The following FAM24B variants were observed in gnomAD, a reference collection of about 807,000 sequenced individuals.
FAM24B encodes the protein family with sequence similarity 24 member B.
Under a neutral mutation model 2.3 loss-of-function variants are expected in FAM24B, and 3 were observed. That is an observed-to-expected ratio of 1.29 (90% CI 0.59 to 3.32). The LOEUF (loss-of-function observed/expected upper bound fraction) is 3.32, where lower values mean the gene tolerates loss of function less well. Ranked by LOEUF, FAM24B falls within the 30% of genes most tolerant of loss-of-function variation. The probability of loss-of-function intolerance (pLI) is 0.03; values close to 1 mark genes in which losing one functional copy is unlikely to be tolerated. For missense variants in FAM24B, 98 were observed against 117.2 expected (o/e 0.84, Z 0.76); for synonymous variants, 36 against 46.3 (o/e 0.78, Z 0.90).
intron 1 of FAM24B, among the ~76,000 whole-genome samples, chr10:122,868,478 T>C (rs964543652): frequency 2.0e-5 from 3 of 152,048 alleles, no homozygotes; most frequent in African/African-American, 7.2e-5. Flanking sequence ...AGACACATAA[T>C]TGTCAGATTC....
intron 1 of FAM24B, among the ~76,000 whole-genome samples, chr10:122,860,503 G>T (rs1305408210): frequency 1.3e-5 from 2 of 152,212 alleles, no homozygotes; most frequent in Non-Finnish European, 1.5e-5. Context: ...TTGTGTGAAT[G>T]TAAGTTTTCA....
chr10:122,857,650 C>G (rs140891969), intron 1 of FAM24B, among the ~76,000 whole-genome samples: 1 of 152,152 alleles, frequency 6.6e-6, no homozygotes, highest in Non-Finnish European at 1.5e-5. Context: ...ATTTATGGTA[C>G]TTATGTATCT....
intron 1 of FAM24B, among the ~76,000 whole-genome samples, chr10:122,871,775 C>T (rs936854351): frequency 4.6e-5 from 7 of 151,970 alleles, no homozygotes; most frequent in Non-Finnish European, 8.8e-5. Flanking sequence ...ACACCTTATA[C>T]AAAAATTAAT....
chr10:122,867,498 G>A (rs1294357153), intron 1 of FAM24B, among the ~76,000 whole-genome samples: 1 of 152,232 alleles, frequency 6.6e-6, no homozygotes, highest in Non-Finnish European at 1.5e-5. Context: ...GCCTCCTCAA[G>A]TGGGTCCCTG....
intron 1 of FAM24B, among the ~76,000 whole-genome samples, chr10:122,863,393 A>G (rs549480860): frequency 3.5e-4 from 54 of 152,328 alleles, no homozygotes; most frequent in African/African-American, 1.3e-3. Context: ...CCAAGGCCAT[A>G]CAGCTAGCAG....
chr10:122,850,356 G>A, intron 3 of FAM24B, 68 bp downstream of exon 3: 1 of 1,276,106 alleles, frequency 7.8e-7, no homozygotes, highest in East Asian at 2.3e-5. Context: ...TCCCACTGAG[G>A]AAGTGCTATC....
chr10:122,867,740 AG>A (rs1449188526), intron 1 of FAM24B, among the ~76,000 whole-genome samples: 1 of 152,238 alleles, frequency 6.6e-6, no homozygotes, highest in Non-Finnish European at 1.5e-5. Flanking sequence ...CCTGAGAGTT[AG>A]AAGGAAAACT....
At chr10:122,862,854 T>G (rs1023221906) in intron 1 of FAM24B, among the ~76,000 whole-genome samples, 4 of 152,106 alleles carry the variant, frequency 2.6e-5, no homozygotes, top group Non-Finnish European at 4.4e-5. Flanking sequence ...CTGATGGTAT[T>G]TAGCTAAATG....
intron 1 of FAM24B, among the ~76,000 whole-genome samples, chr10:122,862,365 A>C (rs557737203): frequency 2.8e-4 from 42 of 152,202 alleles, no homozygotes; most frequent in Non-Finnish European, 4.9e-4. Context: ...GTTCATTTCA[A>C]TGTTCACATT....
chr10:122,868,502 T>G (rs1439870353), intron 1 of FAM24B, among the ~76,000 whole-genome samples: 4 of 151,830 alleles, frequency 2.6e-5, no homozygotes, highest in Admixed American at 2.6e-4. Context: ...AAAGTTGAAA[T>G]GAAGGAAAAA....
chr10:122,850,304 CAGCA>C, intron 3 of FAM24B, 116 bp downstream of exon 3: 1 of 791,864 alleles, frequency 1.3e-6, no homozygotes. Flanking sequence ...GGTATGGCCA[CAGCA>C]GCAAGGAATG....
At chr10:122,858,793 T>C (rs1288339770) in intron 1 of FAM24B, among the ~76,000 whole-genome samples, 2 of 152,072 alleles carry the variant, frequency 1.3e-5, no homozygotes, top group African/African-American at 2.4e-5. Flanking sequence ...CAGCGAGAAG[T>C]ACCCCTTGGG....
At position 122,850,379 on chromosome 10, in the gene FAM24B, T is replaced by C. The variant is rs199750474; in HGVS notation, c.92+45A>G. On this transcript the variant is annotated intron_variant, in intron 3 of 3. Coordinates refer to ENST00000368898, the MANE Select transcript of FAM24B (RefSeq NM_152644.3). ...AGGAAGTGCTATCCCCTTTTCCCCA[T>C]GTGACTCACTTTAGTACGTTGTTTA... 277 of 1,492,672 alleles carry C rather than the reference T, an allele frequency of 1.9e-4. 2 individuals are homozygous for C. The African/African-American group carries it at 3.2e-3, about 17-fold the overall frequency. 92.5% of individuals were successfully genotyped at this position (1,492,672 alleles called of 1,614,324 possible).
At chr10:122,869,155 T>C (rs896161535) in intron 1 of FAM24B, among the ~76,000 whole-genome samples, 22 of 151,928 alleles carry the variant, frequency 1.4e-4, no homozygotes, top group African/African-American at 4.8e-4. Flanking sequence ...TAAAACAGAC[T>C]TTAAACCAAC....
At chr10:122,850,616 A>G in intron 2 of FAM24B, 66 bp from the exon 3 acceptor site, 2 of 795,760 alleles carry the variant, frequency 2.5e-6, no homozygotes, top group Non-Finnish European at 4.5e-6. Flanking sequence ...ACCACTAAGC[A>G]ATGCCAATGT....
intron 2 of FAM24B, among the ~76,000 whole-genome samples, chr10:122,851,504 T>C (rs558840319): frequency 6.6e-6 from 1 of 152,348 alleles, no homozygotes; most frequent in East Asian, 1.9e-4. Context: ...ACCAGCTCTC[T>C]TTCATGGAGT....
chr10:122,869,141 C>T lies in FAM24B; in HGVS notation c.-178+10344G>A, dbSNP rs376554684. ...AAGGCAGGGGTTGCAATCCTAGTCTCTGATAAAACAGACTTTAAACCAACA... is the reference window on the plus strand; with the variant it reads ...AAGGCAGGGGTTGCAATCCTAGTCTTTGATAAAACAGACTTTAAACCAACA... On this transcript the variant is annotated intron_variant, in intron 1 of 3. Coordinates refer to ENST00000368898, the MANE Select transcript of FAM24B (RefSeq NM_152644.3). Among the ~76,000 whole-genome samples, 82 of 152,112 alleles carry T rather than the reference C, an allele frequency of 5.4e-4. 1 individual carries two copies. The East Asian group carries it at 7.7e-3, about 14-fold the overall frequency.
intron 1 of FAM24B, among the ~76,000 whole-genome samples, chr10:122,869,099 C>A (rs1361244217): frequency 6.6e-6 from 1 of 151,772 alleles, no homozygotes; most frequent in Non-Finnish European, 1.5e-5. Flanking sequence ...ATCTACCAAG[C>A]AAATGGAAAA....
chr10:122,873,670 G>T (rs2133842068), intron 1 of FAM24B, among the ~76,000 whole-genome samples: 1 of 152,296 alleles, frequency 6.6e-6, no homozygotes, highest in African/African-American at 2.4e-5. Context: ...TCTTAGGTGT[G>T]CCTATATATT....
Sources: allele counts gnomAD v4.1 joint callset (sites outside exome capture counted in the v4.1 genomes callset), GRCh38; gene constraint gnomAD v4.1.1; transcripts MANE v1.5; gene names NCBI Gene and HGNC (gene_info 2026-07-23, HGNC 2026-07-21).